The following TTC7B variants were observed in gnomAD, a reference collection of about 807,000 sequenced individuals.
TTC7B encodes the protein tetratricopeptide repeat domain 7B.
In TTC7B, 28 loss-of-function variants were observed where a neutral mutation model predicts 106.8. The observed-to-expected ratio is 0.26, with a 90% confidence interval of 0.19 to 0.36. The LOEUF (loss-of-function observed/expected upper bound fraction) is 0.36, where lower values mean the gene tolerates loss of function less well. Among genes scored for constraint, TTC7B ranks in the 10% least tolerant of loss-of-function variants. TTC7B has a pLI of 1.00. For synonymous variants in TTC7B, 405 were observed against 430.6 expected, an observed-to-expected ratio of 0.94 and a Z score of 0.74; for missense variants, 862 against 1,076.4, an observed-to-expected ratio of 0.80 and a Z score of 2.79.
chr14:90,738,916 T>C (rs1595338057), intron 4 of TTC7B, among the ~76,000 whole-genome samples: 1 of 152,260 alleles, frequency 6.6e-6, no homozygotes, highest in South Asian at 2.1e-4. Context: ...TCCCAGCTAC[T>C]TGGGAGGCTG....
At chr14:90,605,091 A>G (rs1419268016) in intron 17 of TTC7B, among the ~76,000 whole-genome samples, 1 of 152,306 alleles carries the variant, frequency 6.6e-6, no homozygotes, top group East Asian at 1.9e-4. Flanking sequence ...GGTGGGGACC[A>G]GGGGATCCGC....
At chr14:90,728,149 C>T (rs1889182074) in intron 5 of TTC7B, among the ~76,000 whole-genome samples, 1 of 152,072 alleles carries the variant, frequency 6.6e-6, no homozygotes, top group Non-Finnish European at 1.5e-5. Flanking sequence ...TGCACCGTCC[C>T]AGCCTTGAGC....
At chr14:90,617,649 G>C (rs2139848240) in intron 16 of TTC7B, among the ~76,000 whole-genome samples, 1 of 152,330 alleles carries the variant, frequency 6.6e-6, no homozygotes, top group Non-Finnish European at 1.5e-5. Context: ...ACGGGTGTTA[G>C]AGAGAAACTG....
At chr14:90,699,978 T>C (rs1199802231) in intron 5 of TTC7B, among the ~76,000 whole-genome samples, 1 of 152,146 alleles carries the variant, frequency 6.6e-6, no homozygotes, top group African/African-American at 2.4e-5. Context: ...AGCACCCAAT[T>C]AATATTTGTT....
intron 16 of TTC7B, among the ~76,000 whole-genome samples, chr14:90,616,936 G>A (rs1324846375): frequency 6.6e-6 from 1 of 152,208 alleles, no homozygotes; most frequent in African/African-American, 2.4e-5. Flanking sequence ...GAGTATTGGA[G>A]CAGTTGTGTG....
chr14:90,597,105 A>C (rs1361130254), intron 17 of TTC7B, among the ~76,000 whole-genome samples: 1 of 152,218 alleles, frequency 6.6e-6, no homozygotes, highest in Non-Finnish European at 1.5e-5. Context: ...GTTTATTAGA[A>C]ATAATGTTTT....
At position 90,807,829 on chromosome 14, in the gene TTC7B, C is replaced by A. The variant is rs2030695084; in HGVS notation, c.121+8346G>T. Among the ~76,000 whole-genome samples the A allele has an allele frequency of 6.6e-6, 1 of 152,182 alleles. No individual in the cohort carries two copies. The highest frequency in any genetic ancestry group is 6.6e-5 in the Admixed American group (1 of 15,266). ...ATTTGGCTCAAAGCATGCTGCATAC[C>A]TGCAACACTGGGAGCTTAAGAATGC... On this transcript the variant is annotated intron_variant, in intron 1 of 19. Coordinates refer to ENST00000328459, the MANE Select transcript of TTC7B (RefSeq NM_001010854.2). The surrounding 1 kb of genome is among the most constrained non-coding windows in gnomAD (Gnocchi z 4.1).
intron 9 of TTC7B, among the ~76,000 whole-genome samples, chr14:90,664,179 G>A (rs983540121): frequency 3.3e-5 from 5 of 152,100 alleles, no homozygotes; most frequent in Non-Finnish European, 4.4e-5. Flanking sequence ...GAACCCTACC[G>A]TATGTGTATG....
chr14:90,776,226 G>C (rs933953582), intron 3 of TTC7B, among the ~76,000 whole-genome samples: 3 of 151,214 alleles, frequency 2.0e-5, no homozygotes, highest in Admixed American at 1.3e-4. Context: ...GTTGTTAACT[G>C]TTTCTCTAAA....
At chr14:90,688,123 T>A (rs984669755) in intron 7 of TTC7B, among the ~76,000 whole-genome samples, 2 of 152,244 alleles carry the variant, frequency 1.3e-5, no homozygotes, top group African/African-American at 4.8e-5. Context: ...GAAAAGGTCT[T>A]CAATATTTAT....
At position 90,577,373 on chromosome 14, in the gene TTC7B, C is replaced by T. The variant is rs755825446; in HGVS notation, c.2310+733G>A. ...TCATAACGGACAGAACCCTCCTGAG[C>T]GAGCAGTGTCCCCACCTAACTGAAA... is the stretch of plus-strand genomic sequence containing the variant. On this transcript the variant is annotated intron_variant, in intron 19 of 19. Coordinates refer to ENST00000328459, the MANE Select transcript of TTC7B (RefSeq NM_001010854.2). This position sits in a 1 kb window ranked among gnomAD's most constrained non-coding sequence, Gnocchi z 5.0. Among the ~76,000 whole-genome samples, 4 of 152,212 alleles carry T rather than the reference C, an allele frequency of 2.6e-5. No homozygotes were observed. Among genetic ancestry groups the T allele is most frequent in the Admixed American group, 6.5e-5 (1 of 15,290 alleles).
At chr14:90,580,593 G>C (rs984460657) in intron 18 of TTC7B, among the ~76,000 whole-genome samples, 1 of 152,178 alleles carries the variant, frequency 6.6e-6, no homozygotes, top group African/African-American at 2.4e-5. Flanking sequence ...CGGAACCCCC[G>C]GGCTCTGGCC....
intron 5 of TTC7B, among the ~76,000 whole-genome samples, chr14:90,715,517 G>A (rs1323224655): frequency 6.6e-6 from 1 of 152,144 alleles, no homozygotes; most frequent in East Asian, 1.9e-4. Context: ...TAATGATAAT[G>A]TGTTCAAAGC....
At chr14:90,583,211 C>G (rs1891572781) in intron 18 of TTC7B, among the ~76,000 whole-genome samples, 1 of 152,350 alleles carries the variant, frequency 6.6e-6, no homozygotes, top group Non-Finnish European at 1.5e-5. Flanking sequence ...AAGCCCCTCA[C>G]ATAGAAACAG....
chr14:90,643,403 G>A (rs1366515468), intron 15 of TTC7B, among the ~76,000 whole-genome samples: 4 of 150,014 alleles, frequency 2.7e-5, no homozygotes, highest in Admixed American at 6.6e-5. Context: ...GTGATATTCC[G>A]TCTCAAAAAA....
At chr14:90,591,900 G>A (rs1891974564) in intron 18 of TTC7B, among the ~76,000 whole-genome samples, 1 of 152,220 alleles carries the variant, frequency 6.6e-6, no homozygotes, top group Non-Finnish European at 1.5e-5. Context: ...CAGAATGTCT[G>A]GGACCTCTCT....
chr14:90,762,616 A>G (rs937680492), intron 3 of TTC7B, among the ~76,000 whole-genome samples: 1 of 152,234 alleles, frequency 6.6e-6, no homozygotes, highest in Non-Finnish European at 1.5e-5. Context: ...AATTGCAAAT[A>G]TAGGAAGTAT....
intron 18 of TTC7B, among the ~76,000 whole-genome samples, chr14:90,588,705 C>T (rs980059809): frequency 3.9e-5 from 6 of 152,122 alleles, no homozygotes; most frequent in South Asian, 2.1e-4. Context: ...AGAAAATAAC[C>T]TTTCTCTGAC....
chr14:90,702,377 C>T (rs1888028721), intron 5 of TTC7B, among the ~76,000 whole-genome samples: 1 of 151,968 alleles, frequency 6.6e-6, no homozygotes, highest in Admixed American at 6.6e-5. Flanking sequence ...TAACTGTACC[C>T]ACCTCACTGT....
Sources: allele counts gnomAD v4.1 joint callset (sites outside exome capture counted in the v4.1 genomes callset), GRCh38; gene constraint gnomAD v4.1.1; non-coding constraint Gnocchi (gnomAD v3.1); transcripts MANE v1.5; gene names NCBI Gene and HGNC (gene_info 2026-07-23, HGNC 2026-07-21).